Variants in TAFA5 observed in about 807,000 individuals in gnomAD.
The protein encoded by TAFA5 is chemokine-like protein TAFA-5.
In TAFA5, 6 loss-of-function variants were observed where a neutral mutation model predicts 15.3. The ratio of observed to expected loss-of-function variants is 0.39; its 90% CI spans 0.21 to 0.77. TAFA5 has a LOEUF of 0.77. TAFA5 is among the 30% of genes least tolerant of loss of function. TAFA5 has a pLI of 0.41. For missense variants in TAFA5, 161 were observed against 193.1 expected (o/e 0.83, Z 0.98); for synonymous variants, 103 against 80.7 (o/e 1.28, Z -1.48).
intron 1 of TAFA5, among the ~76,000 whole-genome samples, chr22:48,607,448 C>T (rs182216770): frequency 1.4e-5 from 2 of 140,332 alleles, no homozygotes; most frequent in Non-Finnish European, 3.1e-5. Context: ...CCCACCCATC[C>T]CAGGTACCTC....
intron 1 of TAFA5, among the ~76,000 whole-genome samples, chr22:48,533,903 T>A (rs1922057197): frequency 6.6e-6 from 1 of 152,176 alleles, no homozygotes; most frequent in Admixed American, 6.5e-5. Context: ...GTGGAAAGGA[T>A]GAGCCTGGCA....
intron 1 of TAFA5, among the ~76,000 whole-genome samples, chr22:48,516,173 A>C (rs1299110632): frequency 6.6e-6 from 1 of 152,098 alleles, no homozygotes; most frequent in Non-Finnish European, 1.5e-5. Context: ...AGACTAATTA[A>C]ACCAGATGGC....
chr22:48,751,110 C>T lies in TAFA5; in HGVS notation c.*1263C>T, dbSNP rs1930480041. 6.6e-6 allele frequency: 1 copy of T among 152,334 alleles called. No individual in the cohort carries two copies. 9.4% of individuals were successfully genotyped at this position (152,334 alleles called of 1,614,324 possible). The stretch of plus-strand genomic sequence containing the variant: ...CCCTCGCTGCGGGCCAGGCTTGGCT[C>T]CTGATTCCCTCTCTGGTCCCTGTAT... On this transcript the variant is annotated 3_prime_UTR_variant, in exon 4 of 4. Transcript: ENST00000402357.
intron 2 of TAFA5, among the ~76,000 whole-genome samples, chr22:48,664,816 C>T (rs560814136): frequency 2.0e-5 from 3 of 152,252 alleles, no homozygotes; most frequent in South Asian, 2.1e-4. Flanking sequence ...GTCCCTGTAC[C>T]GCCATCTATC....
At chr22:48,544,726 G>T (rs1462334338) in intron 1 of TAFA5, 1 of 471,318 alleles carries the variant, frequency 2.1e-6, no homozygotes, top group Non-Finnish European at 4.4e-6. Context: ...GTTGGTCTCA[G>T]TCCCCACTCC....
At chr22:48,703,851 C>T (rs1226144426) in intron 2 of TAFA5, among the ~76,000 whole-genome samples, 1 of 152,226 alleles carries the variant, frequency 6.6e-6, no homozygotes, top group Non-Finnish European at 1.5e-5. Flanking sequence ...CCCACTCCTG[C>T]TGGCCCAGGC....
chr22:48,556,138 C>T lies in TAFA5; in HGVS notation c.112+66434C>T, dbSNP rs566968600. ...GCCACTGATGGGAGGTGATGTCACC[C>T]GAGACCAATGGCACAGAGGGCATCA... On this transcript the variant is annotated intron_variant, in intron 1 of 3. Transcript: ENST00000402357. Among the ~76,000 whole-genome samples, 3 of 152,320 alleles carry T rather than the reference C, an allele frequency of 2.0e-5. No homozygotes were observed. The South Asian group carries it at 6.2e-4, about 32-fold the overall frequency.
chr22:48,692,900 T>G (rs1928586338), intron 2 of TAFA5, among the ~76,000 whole-genome samples: 1 of 152,276 alleles, frequency 6.6e-6, no homozygotes, highest in Non-Finnish European at 1.5e-5. Context: ...CAGGAGCCCC[T>G]CCCAGGCCAC....
intron 1 of TAFA5, among the ~76,000 whole-genome samples, chr22:48,579,645 C>T (rs1923959359): frequency 6.6e-6 from 1 of 152,248 alleles, no homozygotes; most frequent in African/African-American, 2.4e-5. Flanking sequence ...TTTTCCACCT[C>T]CCTCTTCCAA....
chr22:48,563,869 C>T (rs911928057), intron 1 of TAFA5, among the ~76,000 whole-genome samples: 10 of 152,354 alleles, frequency 6.6e-5, no homozygotes, highest in Non-Finnish European at 7.4e-5. Flanking sequence ...TGGCCCAGCC[C>T]GCCTCCAGGT....
chr22:48,749,230 C>T (rs1282304275), intron 3 of TAFA5, among the ~76,000 whole-genome samples: 1 of 152,176 alleles, frequency 6.6e-6, no homozygotes, highest in Non-Finnish European at 1.5e-5. Flanking sequence ...AGGAACAGGC[C>T]CTGTCCACAC....
At position 48,501,075 on chromosome 22, in the gene TAFA5, C is replaced by A. The variant is rs561733650; in HGVS notation, c.112+11371C>A. Among the ~76,000 whole-genome samples, 4 of 152,290 alleles carry A rather than the reference C, an allele frequency of 2.6e-5. No individual in the cohort carries two copies. The East Asian group carries it at 7.8e-4, about 30-fold the overall frequency. On this transcript the variant is annotated intron_variant, in intron 1 of 3. Coordinates refer to ENST00000402357, the MANE Select transcript of TAFA5 (RefSeq NM_001082967.3). ...CTTCTGGCCCTGCCTTCCTTGTCAC[C>A]CCCACCCTTCCCCCGCCACCAGACA...
chr22:48,496,531 A>C (rs542124883), intron 1 of TAFA5, among the ~76,000 whole-genome samples: 54 of 152,328 alleles, frequency 3.5e-4, no homozygotes, highest in Middle Eastern at 3.4e-3. Flanking sequence ...CCCTGCAGGC[A>C]GAGGAGCCAG....
At chr22:48,746,277 C>T (rs1032837959) in intron 3 of TAFA5, among the ~76,000 whole-genome samples, 1 of 152,014 alleles carries the variant, frequency 6.6e-6, no homozygotes. Context: ...AGGAAGCACC[C>T]CACTCGTCAG....
rs1478436192 is a variant in TAFA5, at chr22:48,598,869, CA to C, written c.113-47727del. On this transcript the variant is annotated intron_variant, in intron 1 of 3. Transcript: ENST00000402357. This position sits in a 1 kb window ranked among gnomAD's most constrained non-coding sequence, Gnocchi z 4.0. ...TATTTCCGACTGACTGAATATAAGT[CA>C]GGGGGTTTCCACCACCCTCTCCTGG... 6.6e-6 allele frequency among the ~76,000 whole-genome samples: 1 copy of C among 152,140 alleles called. No individual in the cohort carries two copies. Among genetic ancestry groups the C allele is most frequent in the African/African-American group, 2.4e-5 (1 of 41,438 alleles).
At chr22:48,746,707 C>G (rs1157958787) in intron 3 of TAFA5, among the ~76,000 whole-genome samples, 1 of 152,178 alleles carries the variant, frequency 6.6e-6, no homozygotes, top group African/African-American at 2.4e-5. Flanking sequence ...GGGGTTCTAG[C>G]TTGGCCTCCT....
At chr22:48,661,539 C>T (rs1927441076) in intron 2 of TAFA5, among the ~76,000 whole-genome samples, 1 of 152,238 alleles carries the variant, frequency 6.6e-6, no homozygotes, top group Admixed American at 6.5e-5. Context: ...TTCTGCTCAT[C>T]TCCCTGGGTT....
chr22:48,681,947 C>T lies in TAFA5; in HGVS notation c.263-25770C>T, dbSNP rs935432693. ...TGTCCTAGGAGCTGTGGAGTCTTTG[C>T]GAGGGTACGGGAGCTCCCCGTCAAG... On this transcript the variant is annotated intron_variant, in intron 2 of 3. Transcript: ENST00000402357. Among the ~76,000 whole-genome samples, 17 of 118,134 alleles carry T rather than the reference C, an allele frequency of 1.4e-4. 4 individuals are homozygous for T. Among genetic ancestry groups the T allele is most frequent in the African/African-American group, 3.6e-4 (13 of 36,544 alleles). 77.5% of individuals were successfully genotyped at this position (118,134 alleles called of 152,430 possible).
rs115279346 is a variant in TAFA5 at position 48,674,309 on chromosome 22, C to A, written c.262+27563C>A. Among the ~76,000 whole-genome samples the A allele has an allele frequency of 8.0e-3, 1,210 of 152,002 alleles. 17 individuals are homozygous for A. Among genetic ancestry groups the A allele is most frequent in the African/African-American group, 0.028 (1,157 of 41,512 alleles). ...GCCCCCACCTGCCCCAGCCAGAACTCGGGGCTCCCCAGGGCAGGGCTTTTG... is the reference window on the plus strand; with the variant it reads ...GCCCCCACCTGCCCCAGCCAGAACTAGGGGCTCCCCAGGGCAGGGCTTTTG... On this transcript the variant is annotated intron_variant, in intron 2 of 3. Transcript: ENST00000402357.
Sources: gnomAD v4.1 joint callset for allele counts (sites outside exome capture counted in the v4.1 genomes callset) on GRCh38, gnomAD v4.1.1 for gene constraint, Gnocchi (gnomAD v3.1) non-coding constraint, MANE v1.5 for transcripts, NCBI Gene and HGNC (gene_info 2026-07-23, HGNC 2026-07-21) for gene names.